The following PROM2 variants were observed in gnomAD, a reference collection of about 807,000 sequenced individuals.
PROM2 encodes the protein prominin-2.
In PROM2, 90 loss-of-function variants were observed where a neutral mutation model predicts 110.2. That is an observed-to-expected ratio of 0.82 (90% CI 0.69 to 0.97). The LOEUF is 0.97. Ranked by LOEUF, PROM2 falls within the 50% of genes least tolerant of loss-of-function variation. PROM2 has a pLI of 0.00. For synonymous variants in PROM2, 470 were observed against 467.8 expected, an observed-to-expected ratio of 1.00 and a Z score of -0.06; for missense variants, 1,009 against 1,074.8, an observed-to-expected ratio of 0.94 and a Z score of 0.86.
chr2:95,278,398 G>T (rs1428755326), intron 8 of PROM2: 2 of 539,840 alleles, frequency 3.7e-6, no homozygotes, highest in Non-Finnish European at 6.7e-6. Context: ...CAGAAGGAAG[G>T]AAGTCAGAGC....
intron 14 of PROM2, among the ~76,000 whole-genome samples, chr2:95,283,350 G>A (rs539136228): frequency 6.6e-6 from 1 of 152,236 alleles, no homozygotes; most frequent in Non-Finnish European, 1.5e-5. Flanking sequence ...GATGCACTGG[G>A]CAGTCCTCTG....
intron 15 of PROM2, 51 bp downstream of exon 15, chr2:95,285,166 G>A (rs372732081): frequency 8.1e-5 from 120 of 1,490,262 alleles, no homozygotes; most frequent in Non-Finnish European, 9.1e-5. Context: ...GTGATGGAAC[G>A]AAGGGGCCCA....
Position 95,289,506 on chromosome 2 carries a change from G to A in PROM2, c.*293G>A, listed in dbSNP as rs2104160456. On this transcript the variant is annotated 3_prime_UTR_variant, in exon 24 of 24. Coordinates refer to ENST00000317620, the MANE Select transcript of PROM2 (RefSeq NM_001165978.3). The stretch of plus-strand genomic sequence containing the variant: ...TGCTGGTGGCATCCTCACAGGAAGA[G>A]CCTGTTCTCCACCTGCTGGAGCCTG... The A allele has an allele frequency of 6.3e-6, 1 of 157,960 alleles. No individual in the cohort carries two copies. Among genetic ancestry groups the A allele is most frequent in the Non-Finnish European group, 1.4e-5 (1 of 71,944 alleles). The allele number at this position is 157,960 out of a possible 1,614,324, so 9.8% of individuals were successfully genotyped here.
At chr2:95,282,105 C>A (rs779586352) in intron 13 of PROM2, 37 bp from the exon 14 acceptor site, 8 of 1,611,096 alleles carry the variant, frequency 5.0e-6, no homozygotes, top group Non-Finnish European at 5.9e-6. Context: ...CCCGCCACCC[C>A]CAAGGCTCAT....
At chr2:95,277,874 G>T in intron 7 of PROM2, 56 bp from the exon 8 acceptor site, 1 of 1,476,248 alleles carries the variant, frequency 6.8e-7, no homozygotes, top group Non-Finnish European at 9.4e-7. Flanking sequence ...CACCCTCAGG[G>T]ATCCCCTTCA....
intron 18 of PROM2, 129 bp downstream of exon 18, chr2:95,286,986 G>C (rs1239084493): frequency 1.5e-6 from 2 of 1,298,210 alleles, no homozygotes; most frequent in Admixed American, 1.8e-5. Context: ...AGGAAGATGG[G>C]GGTGGCAGCA....
Position 95,285,114 on chromosome 2 carries a change from A to G in PROM2, c.1874A>G (p.Gln625Arg). 2 of 1,566,034 alleles carry G rather than the reference A, an allele frequency of 1.3e-6. No homozygotes were observed. Among genetic ancestry groups the G allele is most frequent in the Non-Finnish European group, 1.7e-6 (2 of 1,153,912 alleles). ...QRIHYPDFLV[Q>R]IQRPVVKTSM... The stretch of plus-strand genomic sequence containing the variant: ...ATCCACTACCCCGACTTCCTCGTTC[A>G]GGTCAGCGGTGGGCACCTCAGCAGG... Residue 625 changes from glutamine to arginine, a missense_variant and splice_region_variant, in exon 15 of 24, where the codon CAG becomes CGG. Coordinates refer to ENST00000317620, the MANE Select transcript of PROM2 (RefSeq NM_001165978.3).
At chr2:95,277,864 C>A in intron 7 of PROM2, 66 bp from the exon 8 acceptor site, 1 of 1,388,796 alleles carries the variant, frequency 7.2e-7, no homozygotes, top group Non-Finnish European at 1.0e-6. Context: ...CCCCCTCATC[C>A]ACCCTCAGGG....
chr2:95,277,760 T>G, intron 7 of PROM2, 170 bp from the exon 8 acceptor site: 1 of 751,186 alleles, frequency 1.3e-6, no homozygotes, highest in South Asian at 1.8e-5. Flanking sequence ...TTCATGTGTG[T>G]GAGCTCCTTG....
chr2:95,285,073 C>A lies in PROM2; in HGVS notation c.1833C>A (p.Ser611Arg). The A allele has an allele frequency of 6.3e-7, 1 of 1,590,758 alleles. No individual in the cohort carries two copies. Among genetic ancestry groups the A allele is most frequent in the Non-Finnish European group, 8.6e-7 (1 of 1,167,710 alleles). Residue 611 changes from serine to arginine, a missense_variant, in exon 15 of 24, where the codon AGC (serine) becomes AGA (arginine). Coordinates refer to ENST00000317620, the MANE Select transcript of PROM2 (RefSeq NM_001165978.3). Reference protein sequence around the residue: ...AARRDLEALQSSGLQRIHYPD... With the variant: ...AARRDLEALQRSGLQRIHYPD... ...GCCGGGACCTGGAGGCCCTGCAGAG[C>A]AGTGGGCTTCAGCGCATCCACTACC...
At chr2:95,288,781 T>C (rs550411796) in intron 22 of PROM2, 152 bp from the exon 23 acceptor site, 9 of 864,442 alleles carry the variant, frequency 1.0e-5, no homozygotes, top group Non-Finnish European at 1.5e-5. Flanking sequence ...TTACCCTTCT[T>C]GCTGCATCCA....
Position 95,286,552 on chromosome 2 carries a change from TC to T in PROM2, c.2026del (p.Gln676SerfsTer30). ...GLRNLHQEKV[V>X]PQQSLVAKLN... ...AGAAACCTTCACCAGGAGAAGGTCG[TC>T]CCCCAGCAGAGCCTTGTGGTCAGTT... On this transcript the variant is annotated frameshift_variant, in exon 17 of 24. Transcript: ENST00000317620. LOFTEE classifies it high-confidence loss of function. 6.2e-7 allele frequency: 1 copy of T among 1,613,102 alleles called. No individual in the cohort carries two copies. The highest frequency in any genetic ancestry group is 1.3e-5 in the African/African-American group (1 of 74,858).
chr2:95,275,416 G>A lies in PROM2; in HGVS notation c.245-45G>A, dbSNP rs1323631676. 1 of 1,577,270 alleles carries A rather than the reference G, an allele frequency of 6.3e-7. No individual in the cohort carries two copies. On this transcript the variant is annotated intron_variant, in intron 1 of 23. Coordinates refer to ENST00000317620, the MANE Select transcript of PROM2 (RefSeq NM_001165978.3). The surrounding 1 kb of genome is among the most constrained non-coding windows in gnomAD (Gnocchi z 4.4). ...TGGGGAGAGGAGGGACACAGGGGCA[G>A]GGCAGTGGCTGTCCCCAAATCCTCA... is the stretch of plus-strand genomic sequence containing the variant.
chr2:95,288,612 G>C lies in PROM2; in HGVS notation c.2441+23G>C, dbSNP rs374674137. 63 of 1,595,636 alleles carry C rather than the reference G, an allele frequency of 3.9e-5. 1 individual carries two copies. The Middle Eastern group carries it at 1.7e-3, about 42-fold the overall frequency. On this transcript the variant is annotated intron_variant, in intron 22 of 23. Transcript: ENST00000317620. ...CAGGTGAGGGGCTGCCAGGGCTGCA[G>C]GCAGCATCAGGGGCCAGGGAGGTGT... is the stretch of plus-strand genomic sequence containing the variant.
chr2:95,278,560 G>C (rs1573448984), intron 8 of PROM2, 161 bp from the exon 9 acceptor site: 2 of 780,668 alleles, frequency 2.6e-6, no homozygotes, highest in East Asian at 5.2e-5. Context: ...AGTTGAGTCA[G>C]ACTGGGCCAG....
chr2:95,281,110 C>T, intron 11 of PROM2, 132 bp from the exon 12 acceptor site: 1 of 1,258,040 alleles, frequency 7.9e-7, no homozygotes. Flanking sequence ...CCTCCAAGCT[C>T]CTTTCCTCTA....
At chr2:95,287,878 T>C (rs1439427671) in intron 20 of PROM2, among the ~76,000 whole-genome samples, 1 of 152,210 alleles carries the variant, frequency 6.6e-6, no homozygotes, top group Non-Finnish European at 1.5e-5. Flanking sequence ...TGAGTGTGTC[T>C]GTGTGTCTAT....
chr2:95,289,102 G>T (rs1341372002), intron 23 of PROM2, 96 bp downstream of exon 23: 11 of 1,028,108 alleles, frequency 1.1e-5, no homozygotes, highest in African/African-American at 4.7e-5. Flanking sequence ...GGCCTAGGAG[G>T]GCAGGAAGGC....
At chr2:95,288,897 G>A (rs1460888211) in intron 22 of PROM2, 36 bp from the exon 23 acceptor site, 3 of 1,598,252 alleles carry the variant, frequency 1.9e-6, no homozygotes, top group East Asian at 2.2e-5. Flanking sequence ...GGTCTGGGGG[G>A]AAGGGTATGC....
Sources: gnomAD v4.1 joint callset for allele counts (sites outside exome capture counted in the v4.1 genomes callset) on GRCh38, gnomAD v4.1.1 for gene constraint, Gnocchi (gnomAD v3.1) non-coding constraint, MANE v1.5 for transcripts, NCBI Gene and HGNC (gene_info 2026-07-23, HGNC 2026-07-21) for gene names.